The following B3GALT5 variants were observed in gnomAD, a reference collection of about 807,000 sequenced individuals.
B3GALT5 encodes the protein UDP-Gal:betaGlcNAc beta 1,3-galactosyltransferase, polypeptide 5.
For missense variants in B3GALT5, 328 were observed against 396.6 expected (o/e 0.83, Z 1.47); for synonymous variants, 156 against 158.6 (o/e 0.98, Z 0.12).
chr21:39,639,347 T>TTTCTTTCTTTCTTTCTTTCTTTTTTTCC (rs762994044), intron 1 of B3GALT5, among the ~76,000 whole-genome samples: 3 of 66,738 alleles, frequency 4.5e-5, no homozygotes, highest in African/African-American at 6.2e-5. Context: ...TCTTTCTTTC[T>TTTCTTTCTTTCTTTCTTTCTTTTTTTCC]TTCCTTCCTT....
Position 39,645,484 on chromosome 21 carries a change from G to A in B3GALT5, c.-391-908G>A, listed in dbSNP as rs144221046. Among the ~76,000 whole-genome samples the A allele has an allele frequency of 1.9e-3, 293 of 152,280 alleles. 3 individuals carry two copies. The East Asian group carries it at 0.023, about 12-fold the overall frequency. On this transcript the variant is annotated intron_variant, in intron 1 of 3. Transcript: ENST00000684187. ...GGAGGTAGGGGTTCATGATGGATGC[G>A]TTGGTTTCCTCACATCTGGAAAATA...
Position 39,665,692 on chromosome 21 carries a change from A to G in B3GALT5, c.*4200A>G, listed in dbSNP as rs1438469616. ...TGCTTCGCTTCTTTGCCTTGTTGAC[A>G]TTTGGTCAATGTCACCTTCTCAGTG... On this transcript the variant is annotated 3_prime_UTR_variant, in exon 4 of 4. Coordinates refer to ENST00000684187, the MANE Select transcript of B3GALT5 (RefSeq NM_001356336.2). 1 of 152,052 alleles carries G rather than the reference A, an allele frequency of 6.6e-6. No homozygotes were observed. The highest frequency in any genetic ancestry group is 1.5e-5 in the Non-Finnish European group (1 of 68,028). 9.4% of individuals were successfully genotyped at this position (152,052 alleles called of 1,614,324 possible). A position where few individuals can be genotyped will look rare whatever the true frequency, so the allele number is the denominator to read the frequency against.
At position 39,665,122 on chromosome 21, in the gene B3GALT5, A is replaced by G. The variant is rs1022648791; in HGVS notation, c.*3630A>G. 23 of 152,158 alleles carry G rather than the reference A, an allele frequency of 1.5e-4. No homozygotes were observed. Among genetic ancestry groups the G allele is most frequent in the Middle Eastern group, 3.2e-3 (1 of 316 alleles). 9.4% of individuals were successfully genotyped at this position (152,158 alleles called of 1,614,324 possible). The stretch of plus-strand genomic sequence containing the variant: ...CCCCACATCCAGCCCATCTGCAGCC[A>G]TTCCCGTCTCAGGTAATGGCCACTC... On this transcript the variant is annotated 3_prime_UTR_variant, in exon 4 of 4. Transcript: ENST00000684187.
intron 1 of B3GALT5, among the ~76,000 whole-genome samples, chr21:39,618,993 A>G (rs191655478): frequency 2.0e-5 from 3 of 152,162 alleles, no homozygotes; most frequent in East Asian, 1.9e-4. Flanking sequence ...TTCAAATTCA[A>G]TTTTTTCAAA....
intron 1 of B3GALT5, among the ~76,000 whole-genome samples, chr21:39,639,446 T>TTCTCTCTCTCTCTC (rs1569212546): frequency 5.2e-4 from 65 of 126,076 alleles, no homozygotes; most frequent in Non-Finnish European, 9.7e-4. Context: ...CTTTCTTTCT[T>TTCTCTCTCTCTCTC]TCTTTCTTTT....
Position 39,646,496 on chromosome 21 carries a change from C to T in B3GALT5, c.-287C>T, listed in dbSNP as rs888587148. The T allele has an allele frequency of 1.3e-5, 2 of 152,196 alleles. No homozygotes were observed. The highest frequency in any genetic ancestry group is 4.8e-5 in the African/African-American group (2 of 41,448). 9.4% of individuals were successfully genotyped at this position (152,196 alleles called of 1,614,324 possible). A position where few individuals can be genotyped will look rare whatever the true frequency, so the allele number is the denominator to read the frequency against. Reference sequence around the variant, plus strand: ...ATTTGGCTTTTGGAGACATGAGCAGCTTCATTTCTCATTTGTTCATTCGAA... The same window carrying T: ...ATTTGGCTTTTGGAGACATGAGCAGTTTCATTTCTCATTTGTTCATTCGAA... On this transcript the variant is annotated 5_prime_UTR_variant, in exon 2 of 4. Transcript: ENST00000684187.
intron 2 of B3GALT5, among the ~76,000 whole-genome samples, chr21:39,648,761 G>T (rs2079365379): frequency 6.6e-6 from 1 of 151,826 alleles, no homozygotes. Flanking sequence ...GATGGTGATT[G>T]GAGAGGAGGA....
chr21:39,630,860 C>T (rs1007653904), intron 1 of B3GALT5, among the ~76,000 whole-genome samples: 2 of 152,086 alleles, frequency 1.3e-5, no homozygotes, highest in Non-Finnish European at 2.9e-5. Flanking sequence ...TCATTTCTCT[C>T]CTCTGATAAG....
rs763980323 is a variant in B3GALT5, at chr21:39,660,881, G to A, written c.322G>A (p.Glu108Lys). ...GTTSSAAETKEVDQESQRHGD... is the reference protein window; with the variant it reads ...GTTSSAAETKKVDQESQRHGD... Reference sequence around the variant, plus strand: ...CACCAGCAGTGCAGCGGAAACGAAAGAGGTGGACCAGGAGAGCCAGCGACA... The same window carrying A: ...CACCAGCAGTGCAGCGGAAACGAAAAAGGTGGACCAGGAGAGCCAGCGACA... The change falls in exon 4 of 4, where the codon GAG becomes AAG. Residue 108 changes from glutamate (E) to lysine (K), a missense_variant. Coordinates refer to ENST00000684187, the MANE Select transcript of B3GALT5 (RefSeq NM_001356336.2). The A allele has an allele frequency of 6.2e-7, 1 of 1,612,384 alleles. No individual in the cohort carries two copies. The highest frequency in any genetic ancestry group is 2.2e-5 in the East Asian group (1 of 44,874).
chr21:39,646,113 C>T (rs1476348423), intron 1 of B3GALT5, among the ~76,000 whole-genome samples: 3 of 151,924 alleles, frequency 2.0e-5, no homozygotes, highest in Non-Finnish European at 2.9e-5. Context: ...GTGGTGCGAC[C>T]GAAGGTCTCC....
rs1021346448 is a variant in B3GALT5 at position 39,670,767 on chromosome 21, C to T, written c.*9275C>T. On this transcript the variant is annotated 3_prime_UTR_variant, in exon 4 of 4. Transcript: ENST00000684187. ...ACAGGCTTTGGTGACTCTCATGGGCCCTCCGTGCCAAGAGTCTATGGCTCT... is the reference window on the plus strand; with the variant it reads ...ACAGGCTTTGGTGACTCTCATGGGCTCTCCGTGCCAAGAGTCTATGGCTCT... 1 of 152,014 alleles carries T rather than the reference C, an allele frequency of 6.6e-6. No homozygotes were observed. Among genetic ancestry groups the T allele is most frequent in the East Asian group, 1.9e-4 (1 of 5,190 alleles). 9.4% of individuals were successfully genotyped at this position (152,014 alleles called of 1,614,324 possible).
chr21:39,645,572 C>T (rs763611582), intron 1 of B3GALT5, among the ~76,000 whole-genome samples: 5 of 152,166 alleles, frequency 3.3e-5, no homozygotes, highest in South Asian at 2.1e-4. Flanking sequence ...GCTGACACCA[C>T]GTGGTGTCTC....
chr21:39,661,185 G>A lies in B3GALT5; in HGVS notation c.626G>A (p.Arg209Lys), dbSNP rs2079517023. 3 of 1,614,162 alleles carry A rather than the reference G, an allele frequency of 1.9e-6. No homozygotes were observed. Among genetic ancestry groups the A allele is most frequent in the African/African-American group, 1.3e-5 (1 of 75,050 alleles). ...FVSKSEYPWD[R>K]YPPFCSGTGY... ...AGTAAATCTGAATATCCGTGGGACA[G>A]GTACCCACCATTCTGCTCCGGCACC... Residue 209 changes from arginine (R) to lysine (K), a missense_variant, in exon 4 of 4, where the codon AGG becomes AAG. Coordinates refer to ENST00000684187, the MANE Select transcript of B3GALT5 (RefSeq NM_001356336.2). This position sits in a 1 kb window ranked among gnomAD's most constrained non-coding sequence, Gnocchi z 4.7.
intron 1 of B3GALT5, among the ~76,000 whole-genome samples, chr21:39,621,721 A>G (rs1301591493): frequency 6.6e-6 from 1 of 152,118 alleles, no homozygotes; most frequent in Non-Finnish European, 1.5e-5. Flanking sequence ...GTATTTTCTT[A>G]TGATTTAACA....
In B3GALT5 at chr21:39,639,400, T is replaced by TTTTCTTTCTTTCTTTCTTTC. The variant is rs71330377; in HGVS notation, c.-391-6956_-391-6937dup. Reference sequence around the variant, plus strand: ...CTTCCTTCCTTCCTTCCTTCTTTCTTTTTCTTTCTTTCTTTCTTTCTTTCT... The same window carrying TTTTCTTTCTTTCTTTCTTTC: ...CTTCCTTCCTTCCTTCCTTCTTTCTTTTTCTTTCTTTCTTTCTTTCTTTCTTTCTTTCTTTCTTTCTTTCT... On this transcript the variant is annotated intron_variant, in intron 1 of 3. Transcript: ENST00000684187. 1.5e-3 allele frequency among the ~76,000 whole-genome samples: 85 copies of TTTTCTTTCTTTCTTTCTTTC among 57,170 alleles called. 1 individual carries two copies. Among genetic ancestry groups the TTTTCTTTCTTTCTTTCTTTC allele is most frequent in the South Asian group, 2.7e-3 (4 of 1,494 alleles). The allele number at this position is 57,170 out of a possible 152,430, so 37.5% of individuals were successfully genotyped here.
chr21:39,623,760 A>G (rs1334809067), intron 1 of B3GALT5, among the ~76,000 whole-genome samples: 2 of 152,184 alleles, frequency 1.3e-5, no homozygotes, highest in Non-Finnish European at 2.9e-5. Flanking sequence ...TGGACTCACT[A>G]TGATGTGGAA....
chr21:39,621,580 C>T (rs2079134487), intron 1 of B3GALT5, among the ~76,000 whole-genome samples: 1 of 151,738 alleles, frequency 6.6e-6, no homozygotes, highest in African/African-American at 2.4e-5. Context: ...ATGACAGATT[C>T]ATTGTTTATT....
At chr21:39,639,400 T>TTTCTTTCTTTC (rs1555926182) in intron 1 of B3GALT5, among the ~76,000 whole-genome samples, 12 of 57,196 alleles carry the variant, frequency 2.1e-4, no homozygotes, top group Admixed American at 3.8e-4. Context: ...CCTTCTTTCT[T>TTTCTTTCTTTC]TTTCTTTCTT....
intron 2 of B3GALT5, among the ~76,000 whole-genome samples, chr21:39,659,177 A>G (rs2079483200): frequency 6.6e-6 from 1 of 152,204 alleles, no homozygotes; most frequent in Non-Finnish European, 1.5e-5. Context: ...TGAGCCCAGG[A>G]GTTCAGGGCT....
Sources: allele counts gnomAD v4.1 joint callset (sites outside exome capture counted in the v4.1 genomes callset), GRCh38; gene constraint gnomAD v4.1.1; non-coding constraint Gnocchi (gnomAD v3.1); transcripts MANE v1.5; gene names NCBI Gene and HGNC (gene_info 2026-07-23, HGNC 2026-07-21).